ZNF469: variants seen among roughly 807,000 people sequenced by gnomAD.
ZNF469 encodes zinc finger protein 469.
In ZNF469, 1 loss-of-function variant was observed where a neutral mutation model predicts 1.0. The ratio of observed to expected loss-of-function variants is 1.00; its 90% CI spans 0.35 to 4.73. ZNF469 has a LOEUF of 4.73. Among genes scored for constraint, ZNF469 ranks in the 30% most tolerant of loss-of-function variants. ZNF469 has a pLI of 0.16. For missense variants in ZNF469, 6,100 were observed against 5,356.3 expected (o/e 1.14, Z -4.33); for synonymous variants, 2,703 against 2,363.4 (o/e 1.14, Z -4.17).
chr16:88,164,647 C>A, the ZNF469 span, among the ~76,000 whole-genome samples: 1 of 152,200 alleles, frequency 6.6e-6, no homozygotes, highest in African/African-American at 2.4e-5. Context: ...CAGCACAGTG[C>A]CTTCCCTGGC....
chr16:88,119,347 A>G, the ZNF469 span, among the ~76,000 whole-genome samples: 3,166 of 152,280 alleles, frequency 0.021, 47 homozygotes, highest in African/African-American at 0.036. Context: ...CTCAGTGCAG[A>G]AGCCTGGCCG....
the ZNF469 span, among the ~76,000 whole-genome samples, chr16:88,164,307 A>T: frequency 6.6e-6 from 1 of 151,766 alleles, no homozygotes; most frequent in African/African-American, 2.4e-5. Context: ...GGGTGGATGG[A>T]TGCAGGGATG....
intron 1 of ZNF469, among the ~76,000 whole-genome samples, chr16:88,391,502 C>T (rs1368627702): frequency 1.3e-5 from 1 of 79,862 alleles, no homozygotes; most frequent in Non-Finnish European, 2.6e-5. Flanking sequence ...CCACCCAAGG[C>T]AAGGGTGTCC....
chr16:88,143,311 C>T, the ZNF469 span, among the ~76,000 whole-genome samples: 13,498 of 152,302 alleles, frequency 0.089, 759 homozygotes, highest in Admixed American at 0.14. Context: ...GCGTGCTTAA[C>T]GCACTCAGGG....
chr16:88,296,595 T>C, the ZNF469 span, among the ~76,000 whole-genome samples: 5 of 150,618 alleles, frequency 3.3e-5, no homozygotes, highest in East Asian at 3.9e-4. Context: ...TGCACACACA[T>C]GCACACTCAC....
the ZNF469 span, among the ~76,000 whole-genome samples, chr16:88,282,900 G>T: frequency 6.6e-6 from 1 of 152,210 alleles, no homozygotes; most frequent in East Asian, 1.9e-4. Context: ...TTCTGGGAGC[G>T]CATTACCTCC....
chr16:88,188,025 C>A, the ZNF469 span, among the ~76,000 whole-genome samples: 1 of 152,054 alleles, frequency 6.6e-6, no homozygotes, highest in African/African-American at 2.4e-5. Context: ...CTCCCCAGTT[C>A]TCCTCCCATA....
the ZNF469 span, among the ~76,000 whole-genome samples, chr16:88,164,696 G>A: frequency 6.6e-6 from 1 of 152,182 alleles, no homozygotes; most frequent in Non-Finnish European, 1.5e-5. Context: ...TGCCAGTGGG[G>A]ATCACAGGGC....
the ZNF469 span, among the ~76,000 whole-genome samples, chr16:88,103,903 C>T: frequency 2.0e-5 from 3 of 148,914 alleles, no homozygotes; most frequent in Non-Finnish European, 3.0e-5. Flanking sequence ...AATAATCCTC[C>T]GTGGCACGAG....
In ZNF469 at chr16:88,433,490, T is replaced by C. The variant is rs1567513774; in HGVS notation, c.6020T>C (p.Val2007Ala). 1.9e-6 allele frequency: 3 copies of C among 1,550,150 alleles called. No individual in the cohort carries two copies. The highest frequency in any genetic ancestry group is 2.6e-6 in the Non-Finnish European group (3 of 1,146,928). Residue 2007 changes from valine to alanine, a missense_variant, in exon 3 of 3, where the codon GTG (valine) becomes GCG (alanine). Transcript: ENST00000565624. ...TANQLQPENGVSPGGTDNHAS... is the reference protein window; with the variant it reads ...TANQLQPENGASPGGTDNHAS... ...AACCAGCTTCAGCCAGAGAACGGGG[T>C]GAGCCCAGGGGGCACGGACAACCAC...
chr16:88,357,465 A>G, the ZNF469 span, among the ~76,000 whole-genome samples: 1 of 151,982 alleles, frequency 6.6e-6, no homozygotes, highest in Non-Finnish European at 1.5e-5. Context: ...CCCGGCCCTG[A>G]TCCTGGGAGG....
the ZNF469 span, among the ~76,000 whole-genome samples, chr16:88,113,105 G>A: frequency 6.6e-6 from 1 of 152,162 alleles, no homozygotes; most frequent in Non-Finnish European, 1.5e-5. Flanking sequence ...TTAGCTCGAG[G>A]TGGCCCCATT....
the ZNF469 span, among the ~76,000 whole-genome samples, chr16:88,117,204 GGGACACGTGA>G: frequency 6.6e-6 from 1 of 151,654 alleles, no homozygotes; most frequent in Non-Finnish European, 1.5e-5. Context: ...GTGAGGGCCG[GGGACACGTGA>G]GAGCTGGGGT....
the ZNF469 span, among the ~76,000 whole-genome samples, chr16:88,119,942 C>T: frequency 2.0e-5 from 3 of 152,264 alleles, no homozygotes; most frequent in South Asian, 2.1e-4. Flanking sequence ...AGTCCTGGCC[C>T]GTGGGGTCCT....
At chr16:88,287,250 A>G in the ZNF469 span, among the ~76,000 whole-genome samples, 1 of 152,202 alleles carries the variant, frequency 6.6e-6, no homozygotes, top group East Asian at 1.9e-4. Context: ...CAATTTGTCT[A>G]CCCAAGTCTC....
rs1342613048 is a variant in ZNF469, at chr16:88,438,421, T to A, written c.10951T>A (p.Ser3651Thr). The A allele has an allele frequency of 1.3e-5, 20 of 1,549,896 alleles. No individual in the cohort carries two copies. The highest frequency in any genetic ancestry group is 1.7e-5 in the Non-Finnish European group (20 of 1,146,922). Residue 3651 changes from serine to threonine, a missense_variant, in exon 3 of 3, where the codon TCC becomes ACC. Ser to Thr is a moderately conservative substitution (Grantham distance 58). Coordinates refer to ENST00000565624, the MANE Select transcript of ZNF469 (RefSeq NM_001367624.2). ...CCTACTTCAGAAAGAGAAGGAGGTG[T>A]CCTCAAGCCACATGGTGTCTGAGGG... The part of the protein sequence containing the change: ...DHLLQKEKEV[S>T]SSHMVSEGGP...
At chr16:88,309,464 C>T in the ZNF469 span, among the ~76,000 whole-genome samples, 1 of 149,380 alleles carries the variant, frequency 6.7e-6, no homozygotes, top group Non-Finnish European at 1.5e-5. Flanking sequence ...GGGGAGTACC[C>T]TCTGAGGTCC....
the ZNF469 span, among the ~76,000 whole-genome samples, chr16:88,106,233 C>T: frequency 6.6e-6 from 1 of 152,190 alleles, no homozygotes; most frequent in African/African-American, 2.4e-5. Flanking sequence ...CAGCGCACTG[C>T]AGAACTGTGA....
chr16:88,225,959 C>T, the ZNF469 span, among the ~76,000 whole-genome samples: 8 of 152,160 alleles, frequency 5.3e-5, no homozygotes, highest in South Asian at 2.1e-4. Context: ...CTGGCTGTCT[C>T]AGGACACCCT....
Sources: gnomAD v4.1 joint callset for allele counts (sites outside exome capture counted in the v4.1 genomes callset) on GRCh38, gnomAD v4.1.1 for gene constraint, MANE v1.5 for transcripts, NCBI Gene and HGNC (gene_info 2026-07-23, HGNC 2026-07-21) for gene names.